RALGAPA1: variants seen among roughly 807,000 people sequenced by gnomAD.
RALGAPA1 encodes the protein ral GTPase-activating protein subunit alpha-1.
RALGAPA1 carries 52 observed loss-of-function variants against 269.6 expected under a neutral mutation model. The ratio of observed to expected loss-of-function variants is 0.19; its 90% CI spans 0.15 to 0.24. The LOEUF is 0.24. RALGAPA1 is among the 10% of genes least tolerant of loss of function. RALGAPA1 has a pLI of 1.00. For synonymous variants in RALGAPA1, 817 were observed against 1,008.3 expected (o/e 0.81, Z 3.60); for missense variants, 1,917 against 3,013.9 (o/e 0.64, Z 8.52).
intron 8 of RALGAPA1, 66 bp downstream of exon 8, chr14:35,751,958 A>G: frequency 6.5e-7 from 1 of 1,529,326 alleles, no homozygotes; most frequent in Non-Finnish European, 8.7e-7. Flanking sequence ...ACAAATGCCA[A>G]CTTTACAGTA....
At chr14:35,605,842 G>T in intron 35 of RALGAPA1, 133 bp from the exon 36 acceptor site, 8 of 1,031,372 alleles carry the variant, frequency 7.8e-6, no homozygotes, top group Non-Finnish European at 1.1e-5. Context: ...GTCTACAGAA[G>T]GAGATATAAA....
intron 36 of RALGAPA1, among the ~76,000 whole-genome samples, chr14:35,597,178 A>T (rs988164606): frequency 1.3e-4 from 20 of 152,222 alleles, no homozygotes; most frequent in African/African-American, 4.8e-4. Context: ...ACAAATAGTT[A>T]AACGTGAAAC....
intron 35 of RALGAPA1, among the ~76,000 whole-genome samples, chr14:35,612,973 G>A (rs931958166): frequency 1.3e-5 from 2 of 151,836 alleles, no homozygotes; most frequent in Admixed American, 6.6e-5. Context: ...TTTACAGAAT[G>A]AGAAAAAAAT....
chr14:35,725,411 A>T (rs924563401), intron 13 of RALGAPA1, among the ~76,000 whole-genome samples: 2 of 152,308 alleles, frequency 1.3e-5, no homozygotes, highest in East Asian at 1.9e-4. Flanking sequence ...AGGAACTGGA[A>T]GTGATAATGT....
intron 35 of RALGAPA1, among the ~76,000 whole-genome samples, chr14:35,606,131 G>A (rs1176545693): frequency 1.3e-5 from 2 of 152,156 alleles, no homozygotes; most frequent in Non-Finnish European, 2.9e-5. Flanking sequence ...GAGTGAGAAA[G>A]GACCCAATCC....
intron 7 of RALGAPA1, among the ~76,000 whole-genome samples, chr14:35,755,908 G>A (rs900936341): frequency 6.6e-6 from 1 of 152,254 alleles, no homozygotes; most frequent in African/African-American, 2.4e-5. Flanking sequence ...GAATAAAAGC[G>A]TTTTCATCAG....
intron 14 of RALGAPA1, among the ~76,000 whole-genome samples, chr14:35,724,100 A>G (rs990034835): frequency 1.2e-4 from 19 of 152,158 alleles, no homozygotes; most frequent in Non-Finnish European, 2.9e-5. Context: ...TAATACTCAG[A>G]CTATAAAAAA....
chr14:35,558,537 T>A (rs541008232), intron 39 of RALGAPA1, among the ~76,000 whole-genome samples: 1 of 152,338 alleles, frequency 6.6e-6, no homozygotes, highest in South Asian at 2.1e-4. Context: ...GATAATGGCA[T>A]GTTAATAAGG....
chr14:35,775,055 C>A lies in RALGAPA1; in HGVS notation c.218G>T (p.Gly73Val). The change falls in exon 3 of 42, where the codon GGT (glycine) becomes GTT (valine). Residue 73 changes from glycine to valine, a missense_variant and splice_region_variant. By Grantham distance (109) the Gly-to-Val change is moderately radical. Around this residue, in one of 11 missense-constraint regions of RALGAPA1, gnomAD observed 462 missense variants for 725.6 expected, o/e 0.64. Transcript: ENST00000680220. ...VTIEASLKQK[G>V]HKSQREELDA... ...CAATTCCTCTCTTTGAGACTTGTGA[C>A]CTAAAACATTTTTATAAGAAAACAT... The A allele has an allele frequency of 6.6e-7, 1 of 1,513,102 alleles. No homozygotes were observed. Among genetic ancestry groups the A allele is most frequent in the Non-Finnish European group, 9.1e-7 (1 of 1,097,760 alleles). The allele number at this position is 1,513,102 out of a possible 1,614,324, so 93.7% of individuals were successfully genotyped here. A position where few individuals can be genotyped will look rare whatever the true frequency, so the allele number is the denominator to read the frequency against.
chr14:35,579,052 C>T (rs917343007), intron 37 of RALGAPA1, among the ~76,000 whole-genome samples: 18 of 152,230 alleles, frequency 1.2e-4, no homozygotes, highest in Middle Eastern at 3.4e-3. Flanking sequence ...GCTTATTTAG[C>T]TAGGATGGTC....
intron 1 of RALGAPA1, among the ~76,000 whole-genome samples, chr14:35,799,327 TGAGGCA>T (rs991438860): frequency 3.3e-5 from 5 of 152,118 alleles, no homozygotes; most frequent in African/African-American, 1.2e-4. Flanking sequence ...TTCAGGAGGC[TGAGGCA>T]GGTGGATCAC....
Position 35,627,854 on chromosome 14 carries a change from A to C in RALGAPA1, c.6093T>G (p.Gly2031=). 6.3e-7 allele frequency: 1 copy of C among 1,588,184 alleles called. No individual in the cohort carries two copies. Among genetic ancestry groups the C allele is most frequent in the Non-Finnish European group, 8.6e-7 (1 of 1,161,700 alleles). ...NHLGHYPMSG[G]PAMLTSQVCE... ...ACACCTGACTTGTTAGCATAGCAGG[A>C]CCACCGCTCATTGGATAATGGCCCA... The change falls in exon 34 of 42, where the codon GGT becomes GGG. Residue 2031 remains glycine, a synonymous_variant. Coordinates refer to ENST00000680220, the MANE Select transcript of RALGAPA1 (RefSeq NM_001346249.2).
chr14:35,590,181 T>C (rs1349865187), intron 37 of RALGAPA1, among the ~76,000 whole-genome samples: 5 of 152,192 alleles, frequency 3.3e-5, no homozygotes, highest in Non-Finnish European at 7.4e-5. Flanking sequence ...CTAAAAAGCA[T>C]ATGCCAAAAA....
At chr14:35,724,871 C>T (rs185407947) in intron 14 of RALGAPA1, among the ~76,000 whole-genome samples, 153 bp downstream of exon 14, 2 of 152,180 alleles carry the variant, frequency 1.3e-5, no homozygotes, top group East Asian at 3.9e-4. Flanking sequence ...ACAAAAGATC[C>T]CTTAATAAAT....
intron 3 of RALGAPA1, among the ~76,000 whole-genome samples, chr14:35,772,060 A>T (rs376440670): frequency 6.4e-4 from 96 of 150,232 alleles, no homozygotes; most frequent in Middle Eastern, 3.5e-3. Context: ...ATGAGAGCAA[A>T]TTTTTTTTTT....
intron 35 of RALGAPA1, among the ~76,000 whole-genome samples, chr14:35,619,133 C>T (rs2060443230): frequency 6.6e-6 from 1 of 151,762 alleles, no homozygotes; most frequent in East Asian, 1.9e-4. Context: ...TATTATAAAG[C>T]TATATTAAAG....
intron 28 of RALGAPA1, among the ~76,000 whole-genome samples, chr14:35,656,879 A>G (rs2063210015): frequency 6.6e-6 from 1 of 152,162 alleles, no homozygotes; most frequent in African/African-American, 2.4e-5. Flanking sequence ...TTGTAGCACT[A>G]AATAACCAAG....
At chr14:35,683,751 A>C (rs979975059) in intron 21 of RALGAPA1, 58 bp downstream of exon 21, 2 of 1,339,656 alleles carry the variant, frequency 1.5e-6, no homozygotes, top group Non-Finnish European at 1.0e-6. Flanking sequence ...ATTTTAATCA[A>C]ATTCTTTGAA....
chr14:35,693,479 TTC>T (rs1350708533), intron 17 of RALGAPA1, among the ~76,000 whole-genome samples: 2 of 151,844 alleles, frequency 1.3e-5, no homozygotes, highest in African/African-American at 4.8e-5. Flanking sequence ...TTATATATTT[TTC>T]TCTTTCTTTT....
Sources: allele counts gnomAD v4.1 joint callset (sites outside exome capture counted in the v4.1 genomes callset), GRCh38; gene constraint gnomAD v4.1.1; regional missense constraint gnomAD v4.1.1; transcripts MANE v1.5; gene names NCBI Gene and HGNC (gene_info 2026-07-23, HGNC 2026-07-21).